The following DRC7 variants were observed in gnomAD, a reference collection of about 807,000 sequenced individuals.
The protein encoded by DRC7 is dynein regulatory complex subunit 7.
Under a neutral mutation model 104.4 loss-of-function variants are expected in DRC7, and 80 were observed. That is an observed-to-expected ratio of 0.77 (90% CI 0.64 to 0.92). DRC7 has a LOEUF of 0.92. Among genes scored for constraint, DRC7 ranks in the 40% least tolerant of loss-of-function variants. The pLI is 0.00. For missense variants in DRC7, 1,034 were observed against 1,141.1 expected (o/e 0.91, Z 1.35); for synonymous variants, 405 against 447.3 (o/e 0.91, Z 1.19).
chr16:57,729,949 G>A, intron 17 of DRC7, among the ~76,000 whole-genome samples: 2 of 138,808 alleles, frequency 1.4e-5, no homozygotes, highest in Non-Finnish European at 3.1e-5. Context: ...TGGGTGGGTG[G>A]GTGGATGGAT....
chr16:57,719,557 T>G (rs2048881924), intron 9 of DRC7, among the ~76,000 whole-genome samples: 1 of 152,202 alleles, frequency 6.6e-6, no homozygotes, highest in Admixed American at 6.5e-5. Flanking sequence ...TTGCCCAGGC[T>G]GGAGTGCAGT....
At chr16:57,716,225 G>A (rs910609729) in intron 8 of DRC7, among the ~76,000 whole-genome samples, 1 of 152,104 alleles carries the variant, frequency 6.6e-6, no homozygotes, top group African/African-American at 2.4e-5. Flanking sequence ...TAGGTTGGCC[G>A]GGCACAGTGG....
intron 6 of DRC7, among the ~76,000 whole-genome samples, chr16:57,702,946 T>G (rs1597794983): frequency 1.3e-5 from 2 of 152,196 alleles, no homozygotes; most frequent in East Asian, 3.9e-4. Context: ...TGCAGTGGCA[T>G]GATCTCGGCC....
chr16:57,724,606 C>T lies in DRC7; in HGVS notation c.1538-9C>T. Reference sequence around the variant, plus strand: ...AGCTGTCTCCTCCCAACTCCCGCTCCCCACCCAGTGCACTCGTACAAGTCC... The same window carrying T: ...AGCTGTCTCCTCCCAACTCCCGCTCTCCACCCAGTGCACTCGTACAAGTCC... On this transcript the variant is annotated splice_polypyrimidine_tract_variant and intron_variant, in intron 12 of 18. Coordinates refer to ENST00000360716, the MANE Select transcript of DRC7 (RefSeq NM_001289162.2). 1 of 1,599,236 alleles carries T rather than the reference C, an allele frequency of 6.3e-7. No individual in the cohort carries two copies. The highest frequency in any genetic ancestry group is 8.6e-7 in the Non-Finnish European group (1 of 1,169,340).
intron 3 of DRC7, 83 bp downstream of exon 3, chr16:57,698,235 T>G (rs2048618375): frequency 1.3e-6 from 2 of 1,586,418 alleles, no homozygotes; most frequent in Admixed American, 3.5e-5. Context: ...TGGTGCCTGG[T>G]CTGGTAGGGT....
chr16:57,698,908 A>T lies in DRC7; in HGVS notation c.262A>T (p.Thr88Ser), dbSNP rs145687515. The T allele has an allele frequency of 3.1e-4, 506 of 1,613,746 alleles. No homozygotes were observed. The highest frequency in any genetic ancestry group is 4.1e-4 in the Non-Finnish European group (478 of 1,179,968). ...SKLPISYKTN[T>S]PKEEHLLQVA... ...GCTGCCCATTTCCTACAAAACCAAC[A>T]CACCCAAGGAGGAACACCTGCTGCA... The change falls in exon 4 of 19, where the codon ACA becomes TCA. Residue 88 changes from threonine (T) to serine (S), a missense_variant. Thr to Ser is a moderately conservative substitution (Grantham distance 58). Coordinates refer to ENST00000360716, the MANE Select transcript of DRC7 (RefSeq NM_001289162.2).
intron 14 of DRC7, chr16:57,726,555 G>A: frequency 3.6e-6 from 2 of 558,360 alleles, no homozygotes; most frequent in South Asian, 2.2e-5. Flanking sequence ...TCCTAGGGAG[G>A]CTCTGTGGGA....
Position 57,718,366 on chromosome 16 carries a change from G to A in DRC7, c.1097G>A (p.Gly366Asp). 6.2e-7 allele frequency: 1 copy of A among 1,614,108 alleles called. No individual in the cohort carries two copies. The highest frequency in any genetic ancestry group is 8.5e-7 in the Non-Finnish European group (1 of 1,179,968). The change falls in exon 9 of 19, where the codon GGT becomes GAT. Residue 366 changes from glycine to aspartate, a missense_variant. By Grantham distance (94) the Gly-to-Asp change is moderately conservative (BLOSUM62 -1). Coordinates refer to ENST00000360716, the MANE Select transcript of DRC7 (RefSeq NM_001289162.2). ...NCCKDLIFDL[G>D]DPVRWEYMLL... ...CAACAGGACTTGATCTTTGACCTGGGTGACCCTGTGAGATGGGAGTACATG... is the reference window on the plus strand; with the variant it reads ...CAACAGGACTTGATCTTTGACCTGGATGACCCTGTGAGATGGGAGTACATG...
In DRC7 at chr16:57,730,961, TG is replaced by T; in HGVS notation, c.2424del (p.Trp808CysfsTer7). 6.2e-7 allele frequency: 1 copy of T among 1,613,468 alleles called. No individual in the cohort carries two copies. The highest frequency in any genetic ancestry group is 8.5e-7 in the Non-Finnish European group (1 of 1,179,938). On this transcript the variant is annotated frameshift_variant, in exon 18 of 19. Coordinates refer to ENST00000360716, the MANE Select transcript of DRC7 (RefSeq NM_001289162.2). LOFTEE classifies it high-confidence loss of function. ...ETQELQKKQQWYQENQVTLTP... is the reference protein window; with the variant it reads ...ETQELQKKQQXYQENQVTLTP... Reference sequence around the variant, plus strand: ...CCAGGAGCTGCAAAAGAAGCAGCAGTGGTACCAGGAGAACCAGGTGACGCTG... The same window carrying T: ...CCAGGAGCTGCAAAAGAAGCAGCAGTGTACCAGGAGAACCAGGTGACGCTG...
At chr16:57,730,073 ATGGATGGGTGAGTGGG>A (rs2049039510) in intron 17 of DRC7, among the ~76,000 whole-genome samples, 1 of 96,390 alleles carries the variant, frequency 1.0e-5, no homozygotes, top group Non-Finnish European at 2.0e-5. Flanking sequence ...TGGATGATGG[ATGGATGGGTGAGTGGG>A]TGGGTGGATG....
Position 57,731,059 on chromosome 16 carries a change from G to C in DRC7, c.2520G>C (p.Gln840His). 7 of 1,613,746 alleles carry C rather than the reference G, an allele frequency of 4.3e-6. No individual in the cohort carries two copies. The highest frequency in any genetic ancestry group is 5.9e-6 in the Non-Finnish European group (7 of 1,179,958). Residue 840 changes from glutamine to histidine, a missense_variant, in exon 18 of 19, where the codon CAG (glutamine) becomes CAC (histidine). By Grantham distance (24) the Gln-to-His change is conservative. Transcript: ENST00000360716. ...TGTTCCGCATCCGCATCCTGGAGCA[G>C]CGCCTCAATCGGTGAGCAGGCAGGG... The part of the protein sequence containing the change: ...QAMFRIRILE[Q>H]RLNRHKELAP...
rs376601948 is a variant in DRC7, at chr16:57,700,181, C to T, written c.415C>T (p.Pro139Ser). The change falls in exon 5 of 19, where the codon CCC becomes TCC. Residue 139 changes from proline to serine, a missense_variant. Coordinates refer to ENST00000360716, the MANE Select transcript of DRC7 (RefSeq NM_001289162.2). Reference protein sequence around the residue: ...VSTTLRPTLMPYPELYNWDSC... With the variant: ...VSTTLRPTLMSYPELYNWDSC... Reference sequence around the variant, plus strand: ...CACAACCCTCCGGCCCACACTGATGCCCTACCCCGAGCTCTACAACTGGGA... The same window carrying T: ...CACAACCCTCCGGCCCACACTGATGTCCTACCCCGAGCTCTACAACTGGGA... 4.3e-6 allele frequency: 7 copies of T among 1,613,304 alleles called. No homozygotes were observed. The East Asian group carries it at 6.7e-5, about 15-fold the overall frequency.
chr16:57,714,663 G>A, intron 8 of DRC7: 2 of 210,034 alleles, frequency 9.5e-6, no homozygotes, highest in Non-Finnish European at 1.8e-5. Flanking sequence ...CATATGCACT[G>A]GACAGTGAGG....
chr16:57,720,737 A>C (rs1316821957), intron 9 of DRC7, among the ~76,000 whole-genome samples: 1 of 152,234 alleles, frequency 6.6e-6, no homozygotes. Flanking sequence ...TGTCCCCTGC[A>C]AAATGTCACA....
At chr16:57,729,518 A>G (rs1205957624) in intron 17 of DRC7, among the ~76,000 whole-genome samples, 105 of 84,070 alleles carry the variant, frequency 1.2e-3, no homozygotes, top group African/African-American at 4.4e-3. Flanking sequence ...GGGTGGGTGG[A>G]TGGATGGATG....
At chr16:57,698,231 C>A in intron 3 of DRC7, 79 bp downstream of exon 3, 1 of 1,597,488 alleles carries the variant, frequency 6.3e-7, no homozygotes, top group Non-Finnish European at 8.5e-7. Context: ...GTGCTGGTGC[C>A]TGGTCTGGTA....
chr16:57,727,261 G>A, intron 15 of DRC7, 38 bp from the exon 16 acceptor site: 1 of 1,518,166 alleles, frequency 6.6e-7, no homozygotes, highest in Non-Finnish European at 9.1e-7. Context: ...GTGGAGGAGG[G>A]GTGTCTCCAT....
chr16:57,712,799 C>T (rs550781916), intron 8 of DRC7, among the ~76,000 whole-genome samples: 1 of 152,276 alleles, frequency 6.6e-6, no homozygotes, highest in South Asian at 2.1e-4. Flanking sequence ...TCCTGAGTAG[C>T]TGAGATTACA....
intron 4 of DRC7, among the ~76,000 whole-genome samples, chr16:57,699,802 C>G (rs2048637899): frequency 6.6e-6 from 1 of 152,194 alleles, no homozygotes; most frequent in South Asian, 2.1e-4. Context: ...CAAGCCTGCT[C>G]TGGGCCTCAG....
Sources: allele counts gnomAD v4.1 joint callset (sites outside exome capture counted in the v4.1 genomes callset), GRCh38; gene constraint gnomAD v4.1.1; transcripts MANE v1.5; gene names NCBI Gene and HGNC (gene_info 2026-07-23, HGNC 2026-07-21).